ADORA2B: variants seen among roughly 807,000 people sequenced by gnomAD.
ADORA2B encodes the protein adenosine receptor A2b.
Under a neutral mutation model 20.8 loss-of-function variants are expected in ADORA2B, and 18 were observed. The observed-to-expected ratio is 0.87, with a 90% CI of 0.60 to 1.29. ADORA2B has a LOEUF of 1.29. ADORA2B is among the 50% of genes most tolerant of loss of function. The pLI is 0.00. For missense variants in ADORA2B, 441 were observed against 422.7 expected (o/e 1.04, Z -0.38); for synonymous variants, 179 against 178.3 (o/e 1.00, Z -0.03).
At chr17:15,946,765 C>T (rs1597844301) in intron 1 of ADORA2B, among the ~76,000 whole-genome samples, 1 of 152,088 alleles carries the variant, frequency 6.6e-6, no homozygotes, top group African/African-American at 2.4e-5. Context: ...GTGTCAGAGC[C>T]GGGGCTTGAA....
At chr17:15,955,730 T>TC (rs1205865294) in intron 1 of ADORA2B, among the ~76,000 whole-genome samples, 1 of 151,150 alleles carries the variant, frequency 6.6e-6, no homozygotes, top group Non-Finnish European at 1.5e-5. Flanking sequence ...CTTTTTTTTT[T>TC]TTTTTTGAGA....
the ADORA2B span, among the ~76,000 whole-genome samples, chr17:15,930,286 C>CTT: frequency 6.8e-4 from 95 of 138,850 alleles, no homozygotes; most frequent in African/African-American, 1.4e-3. Context: ...TATGTGTCTC[C>CTT]TTTTTTTTTT....
At chr17:15,885,221 C>A in the ADORA2B span, among the ~76,000 whole-genome samples, 1 of 152,044 alleles carries the variant, frequency 6.6e-6, no homozygotes, top group African/African-American at 2.4e-5. Context: ...GTCTTCTTTT[C>A]CAGAAGTGTC....
At chr17:15,873,803 A>C in the ADORA2B span, among the ~76,000 whole-genome samples, 7 of 152,158 alleles carry the variant, frequency 4.6e-5, no homozygotes, top group African/African-American at 1.7e-4. Flanking sequence ...TGGTAATGTA[A>C]ATTAATACAA....
the ADORA2B span, among the ~76,000 whole-genome samples, chr17:15,898,585 T>C: frequency 1.6e-4 from 25 of 151,850 alleles, no homozygotes; most frequent in Non-Finnish European, 5.9e-5. Context: ...GCCAGGCTGG[T>C]CTCGAACTCC....
At chr17:15,935,508 G>T in the ADORA2B span, among the ~76,000 whole-genome samples, 1 of 152,120 alleles carries the variant, frequency 6.6e-6, no homozygotes, top group East Asian at 1.9e-4. Flanking sequence ...TTGACAATTT[G>T]ACTGCAGTGT....
At chr17:15,883,050 A>G in the ADORA2B span, among the ~76,000 whole-genome samples, 21 of 152,342 alleles carry the variant, frequency 1.4e-4, no homozygotes, top group African/African-American at 5.1e-4. Context: ...TACTCATGAA[A>G]TATCGTCCAT....
chr17:15,883,403 ATATGGGTC>A, the ADORA2B span, among the ~76,000 whole-genome samples: 2 of 152,218 alleles, frequency 1.3e-5, no homozygotes, highest in East Asian at 3.8e-4. Context: ...TAGGCCAGGA[ATATGGGTC>A]TAACTCCACT....
intron 1 of ADORA2B, among the ~76,000 whole-genome samples, chr17:15,948,751 T>C (rs1381995477): frequency 6.7e-6 from 1 of 149,482 alleles, no homozygotes; most frequent in African/African-American, 2.6e-5. Context: ...GACCTGTCCC[T>C]GGACCCTGCC....
Position 15,975,258 on chromosome 17 carries a change from C to T in ADORA2B, c.915C>T (p.Ile305=). The change falls in exon 2 of 2, where the codon ATC becomes ATT. Residue 305 remains isoleucine, a synonymous_variant. Coordinates refer to ENST00000304222, the MANE Select transcript of ADORA2B (RefSeq NM_000676.4). ...RDFRYTFHKI[I]SRYLLCQADV... is the part of the protein sequence containing the mutation. ...TCCGCTACACTTTTCACAAAATTAT[C>T]TCCAGGTATCTTCTCTGCCAAGCAG... The T allele has an allele frequency of 6.2e-7, 1 of 1,613,792 alleles. No individual in the cohort carries two copies. The highest frequency in any genetic ancestry group is 8.5e-7 in the Non-Finnish European group (1 of 1,180,028).
At chr17:15,913,775 C>T in the ADORA2B span, among the ~76,000 whole-genome samples, 1 of 152,244 alleles carries the variant, frequency 6.6e-6, no homozygotes, top group African/African-American at 2.4e-5. Flanking sequence ...TCACCCCTCC[C>T]ATATGTCCAT....
chr17:15,964,865 T>A (rs569965593), intron 1 of ADORA2B, among the ~76,000 whole-genome samples: 21 of 151,930 alleles, frequency 1.4e-4, no homozygotes, highest in East Asian at 1.2e-3. Context: ...ATCGAGACCA[T>A]CCTGGCTAAC....
the ADORA2B span, among the ~76,000 whole-genome samples, chr17:15,899,547 C>T: frequency 6.6e-6 from 1 of 152,120 alleles, no homozygotes; most frequent in Admixed American, 6.5e-5. Context: ...TCTTCTTACC[C>T]AGGTAGTGAG....
chr17:15,862,472 A>C, the ADORA2B span, among the ~76,000 whole-genome samples: 1 of 151,820 alleles, frequency 6.6e-6, no homozygotes, highest in Non-Finnish European at 1.5e-5. Flanking sequence ...CAGCCTCCCA[A>C]AACGCTGGGA....
the ADORA2B span, among the ~76,000 whole-genome samples, chr17:15,900,122 A>T: frequency 6.6e-6 from 1 of 152,174 alleles, no homozygotes; most frequent in South Asian, 2.1e-4. Flanking sequence ...GAGCCACTGC[A>T]CCCAGCCAAA....
the ADORA2B span, among the ~76,000 whole-genome samples, chr17:15,854,666 A>G: frequency 1.3e-5 from 2 of 152,246 alleles, no homozygotes; most frequent in African/African-American, 4.8e-5. Context: ...TGAGACATGG[A>G]TACATGGAAT....
At chr17:15,866,700 T>TGCCG in the ADORA2B span, among the ~76,000 whole-genome samples, 88 of 123,136 alleles carry the variant, frequency 7.1e-4, no homozygotes, top group East Asian at 2.1e-3. Context: ...TGCCTCTGCC[T>TGCCG]CTGCCGCTGC....
the ADORA2B span, among the ~76,000 whole-genome samples, chr17:15,892,717 A>G: frequency 6.7e-6 from 1 of 150,208 alleles, no homozygotes; most frequent in Non-Finnish European, 1.5e-5. Flanking sequence ...TAGACACCTC[A>G]TGGAGGCACC....
the ADORA2B span, among the ~76,000 whole-genome samples, chr17:15,883,277 T>TA: frequency 1.1e-4 from 16 of 152,278 alleles, no homozygotes; most frequent in South Asian, 2.1e-4. Flanking sequence ...CTGTTTCCTT[T>TA]AAAAAAAATT....
Sources: gnomAD v4.1 joint callset for allele counts (sites outside exome capture counted in the v4.1 genomes callset) on GRCh38, gnomAD v4.1.1 for gene constraint, MANE v1.5 for transcripts, NCBI Gene and HGNC (gene_info 2026-07-23, HGNC 2026-07-21) for gene names.